Variants in NTM observed in about 807,000 individuals in gnomAD.
NTM encodes the protein neurotrimin.
A neutral mutation model predicts 42.1 loss-of-function variants in NTM; 13 were observed. The observed-to-expected ratio is 0.31, with a 90% CI of 0.20 to 0.49. The LOEUF is 0.49. Among genes scored for constraint, NTM ranks in the 20% least tolerant of loss-of-function variants. The probability of loss-of-function intolerance (pLI) is 0.99; values close to 1 mark genes in which losing one functional copy is unlikely to be tolerated. For missense variants in NTM, 373 were observed against 452.8 expected (o/e 0.82, Z 1.60); for synonymous variants, 187 against 179.2 (o/e 1.04, Z -0.35).
chr11:132,149,323 C>T (rs1391920922), intron 3 of NTM, among the ~76,000 whole-genome samples: 2 of 151,488 alleles, frequency 1.3e-5, no homozygotes, highest in Non-Finnish European at 2.9e-5. Flanking sequence ...GAAGCTGACT[C>T]TCTGGATTTG....
At chr11:131,816,140 G>A (rs2092942566) in intron 1 of NTM, among the ~76,000 whole-genome samples, 1 of 152,170 alleles carries the variant, frequency 6.6e-6, no homozygotes, top group South Asian at 2.1e-4. Context: ...TAACGACCAA[G>A]GCTAAATCCA....
At chr11:132,185,082 T>A (rs1377003938) in intron 3 of NTM, among the ~76,000 whole-genome samples, 1 of 152,218 alleles carries the variant, frequency 6.6e-6, no homozygotes, top group African/African-American at 2.4e-5. Context: ...AATTGTCGTA[T>A]CTAGGCTCAG....
chr11:132,186,059 G>C (rs527906177), intron 3 of NTM, among the ~76,000 whole-genome samples: 1 of 152,206 alleles, frequency 6.6e-6, no homozygotes, highest in African/African-American at 2.4e-5. Flanking sequence ...AGATAGTTAA[G>C]AGGATGATTG....
chr11:132,258,379 G>C (rs528499297), intron 4 of NTM, among the ~76,000 whole-genome samples: 2 of 152,198 alleles, frequency 1.3e-5, no homozygotes, highest in South Asian at 4.2e-4. Context: ...GGCTTAAATG[G>C]ATGATTTTTC....
rs1319880587 is a variant in NTM at position 132,146,071 on chromosome 11, G to A, written c.168-211G>A. 6.6e-6 allele frequency among the ~76,000 whole-genome samples: 1 copy of A among 152,186 alleles called. No individual in the cohort carries two copies. The highest frequency in any genetic ancestry group is 1.5e-5 in the Non-Finnish European group (1 of 68,036). ...TTTGAAGTGGTTCTGTGCTCAAGTG[G>A]TTTGAGAAGCTCCGAGCAACATTCT... On this transcript the variant is annotated intron_variant, in intron 2 of 8. Coordinates refer to ENST00000683400, the MANE Select transcript of NTM (RefSeq NM_001352005.2). This position sits in a 1 kb window ranked among gnomAD's most constrained non-coding sequence, Gnocchi z 4.5.
intron 1 of NTM, among the ~76,000 whole-genome samples, chr11:131,406,632 A>T (rs909367600): frequency 1.3e-5 from 2 of 152,260 alleles, no homozygotes; most frequent in African/African-American, 4.8e-5. Context: ...GAGGTTAATA[A>T]CAAAAACTAA....
chr11:131,576,062 G>T (rs148230334), intron 1 of NTM, among the ~76,000 whole-genome samples: 1 of 152,244 alleles, frequency 6.6e-6, no homozygotes, highest in Non-Finnish European at 1.5e-5. Context: ...GCTCAGACAC[G>T]GTATCTAGAG....
At chr11:131,401,200 A>G (rs1945097745) in intron 1 of NTM, among the ~76,000 whole-genome samples, 1 of 152,154 alleles carries the variant, frequency 6.6e-6, no homozygotes, top group African/African-American at 2.4e-5. Context: ...CTTAAAAAGC[A>G]TACCCACACC....
chr11:132,317,252 G>A (rs1288734687), intron 7 of NTM, among the ~76,000 whole-genome samples: 1 of 152,124 alleles, frequency 6.6e-6, no homozygotes, highest in South Asian at 2.1e-4. Context: ...TGGTGCCAGG[G>A]GCAAAAATTT....
At chr11:132,254,980 T>C (rs2092354717) in intron 4 of NTM, among the ~76,000 whole-genome samples, 1 of 152,200 alleles carries the variant, frequency 6.6e-6, no homozygotes, top group African/African-American at 2.4e-5. Context: ...CCCAGACATT[T>C]CCAGATTTCC....
chr11:131,890,162 C>CTCTGTATT (rs1302888099), intron 1 of NTM, among the ~76,000 whole-genome samples: 1 of 147,904 alleles, frequency 6.8e-6, no homozygotes, highest in Non-Finnish European at 1.5e-5. Flanking sequence ...CTCTGTCTCT[C>CTCTGTATT]TCTCTCTCTC....
chr11:131,506,255 G>A (rs1344551711), intron 1 of NTM, among the ~76,000 whole-genome samples: 2 of 152,136 alleles, frequency 1.3e-5, no homozygotes, highest in African/African-American at 4.8e-5. Context: ...CTTTTCTCAG[G>A]GGGTTTATGG....
chr11:131,684,876 T>C (rs946711093), intron 1 of NTM, among the ~76,000 whole-genome samples: 3 of 151,932 alleles, frequency 2.0e-5, no homozygotes, highest in Non-Finnish European at 4.4e-5. Flanking sequence ...AGAGCCTGAG[T>C]TGGAGGTGGG....
intron 1 of NTM, among the ~76,000 whole-genome samples, chr11:131,634,835 A>C (rs2064163493): frequency 6.6e-6 from 1 of 152,224 alleles, no homozygotes; most frequent in South Asian, 2.1e-4. Flanking sequence ...AATATTACAA[A>C]TAATATATTT....
chr11:132,318,464 G>A (rs1400105734), intron 7 of NTM, among the ~76,000 whole-genome samples: 2 of 152,106 alleles, frequency 1.3e-5, no homozygotes, highest in East Asian at 1.9e-4. Flanking sequence ...TCATTTCTCA[G>A]CCCCTTCTCC....
chr11:131,991,971 T>A (rs934647010), intron 2 of NTM, among the ~76,000 whole-genome samples: 1 of 152,180 alleles, frequency 6.6e-6, no homozygotes, highest in Non-Finnish European at 1.5e-5. Context: ...TCATTCTGGA[T>A]GTATATATGG....
chr11:131,847,784 C>T (rs1323629766), intron 1 of NTM, among the ~76,000 whole-genome samples: 1 of 152,136 alleles, frequency 6.6e-6, no homozygotes, highest in African/African-American at 2.4e-5. Context: ...GCTCTGTTCA[C>T]GCTCTGTGAC....
intron 1 of NTM, among the ~76,000 whole-genome samples, chr11:131,832,437 A>G (rs1592157600): frequency 1.3e-5 from 2 of 152,304 alleles, no homozygotes; most frequent in African/African-American, 2.4e-5. Flanking sequence ...CTTTGATGGT[A>G]AAAAGGTATC....
rs1945243007 is a variant in NTM at position 131,401,833 on chromosome 11, TATATATATATATATATATATATATATA to T, written c.82+30946_82+30972del. Among the ~76,000 whole-genome samples the T allele has an allele frequency of 1.3e-4, 13 of 98,698 alleles. 2 individuals carry two copies. The highest frequency in any genetic ancestry group is 1.1e-3 in the Admixed American group (11 of 10,130). The allele number at this position is 98,698 out of a possible 152,430, so 64.7% of individuals were successfully genotyped here. A position where few individuals can be genotyped will look rare whatever the true frequency, so the allele number is the denominator to read the frequency against. On this transcript the variant is annotated intron_variant, in intron 1 of 8. Transcript: ENST00000683400. Reference sequence around the variant, plus strand: ...ATATATATATATATATATATATATATATATATATATATATATATATATATATATTTTAATTTAAACTAGGACCTTCAC... The same window carrying T: ...ATATATATATATATATATATATATATTTTTAATTTAAACTAGGACCTTCAC...
Sources: allele counts gnomAD v4.1 joint callset (sites outside exome capture counted in the v4.1 genomes callset), GRCh38; gene constraint gnomAD v4.1.1; non-coding constraint Gnocchi (gnomAD v3.1); transcripts MANE v1.5; gene names NCBI Gene and HGNC (gene_info 2026-07-23, HGNC 2026-07-21).